The following EPHA3 variants were observed in gnomAD, a reference collection of about 807,000 sequenced individuals.
The protein encoded by EPHA3 is ephrin type-A receptor 3.
A neutral mutation model predicts 107.1 loss-of-function variants in EPHA3; 42 were observed. The observed-to-expected ratio is 0.39, with a 90% CI of 0.31 to 0.51. The LOEUF (loss-of-function observed/expected upper bound fraction) is 0.51, where lower values mean the gene tolerates loss of function less well. EPHA3 is among the 20% of genes least tolerant of loss of function. The pLI is 0.78. For synonymous variants in EPHA3, 461 were observed against 424.8 expected (o/e 1.09, Z -1.05); for missense variants, 1,183 against 1,211.2 (o/e 0.98, Z 0.35).
At chr3:89,159,971 ATTT>A (rs932371408) in intron 2 of EPHA3, among the ~76,000 whole-genome samples, 1 of 149,392 alleles carries the variant, frequency 6.7e-6, no homozygotes, top group African/African-American at 2.5e-5. Flanking sequence ...CTATTTTTGT[ATTT>A]TTTAACTTTT....
At chr3:89,230,194 A>C (rs1172436263) in intron 3 of EPHA3, among the ~76,000 whole-genome samples, 3 of 152,014 alleles carry the variant, frequency 2.0e-5, no homozygotes, top group African/African-American at 7.2e-5. Flanking sequence ...TCCCAACTAG[A>C]AGGAAGGGAC....
chr3:89,455,897 T>G (rs1454105296), intron 15 of EPHA3, among the ~76,000 whole-genome samples: 1 of 152,190 alleles, frequency 6.6e-6, no homozygotes, highest in Non-Finnish European at 1.5e-5. Flanking sequence ...TAATTCTGTT[T>G]TCTGTGATTG....
intron 2 of EPHA3, among the ~76,000 whole-genome samples, chr3:89,129,090 A>C (rs1704147866): frequency 6.6e-6 from 1 of 152,126 alleles, no homozygotes. Context: ...TGTGTATCTC[A>C]ATAGGTGACT....
chr3:89,332,196 A>C (rs2107399871), intron 3 of EPHA3, among the ~76,000 whole-genome samples: 1 of 152,322 alleles, frequency 6.6e-6, no homozygotes, highest in African/African-American at 2.4e-5. Flanking sequence ...TAGGACATAC[A>C]GTTCCTTGAA....
chr3:89,281,005 T>TTTTTTATG (rs1446458369), intron 3 of EPHA3, among the ~76,000 whole-genome samples: 1 of 37,250 alleles, frequency 2.7e-5, no homozygotes, highest in Non-Finnish European at 5.1e-5. Flanking sequence ...AAGATTTTTA[T>TTTTTTATG]TATTTATTTA....
chr3:89,418,941 A>T (rs187129114), intron 10 of EPHA3, among the ~76,000 whole-genome samples: 1 of 151,398 alleles, frequency 6.6e-6, no homozygotes, highest in Non-Finnish European at 1.5e-5. Flanking sequence ...CTCCTTTTAC[A>T]TTACATTATT....
At chr3:89,248,147 C>T (rs989339188) in intron 3 of EPHA3, among the ~76,000 whole-genome samples, 15 of 152,092 alleles carry the variant, frequency 9.9e-5, no homozygotes, top group African/African-American at 2.4e-4. Flanking sequence ...TCCTTAAATG[C>T]GCTGCAACAT....
At chr3:89,243,905 C>T (rs1279627626) in intron 3 of EPHA3, among the ~76,000 whole-genome samples, 1 of 152,126 alleles carries the variant, frequency 6.6e-6, no homozygotes, top group Admixed American at 6.5e-5. Context: ...TGTTCTTTTA[C>T]ACCATCCTAT....
intron 5 of EPHA3, among the ~76,000 whole-genome samples, chr3:89,366,357 CAT>C (rs1708184143): frequency 6.6e-6 from 1 of 150,472 alleles, no homozygotes; most frequent in Middle Eastern, 3.2e-3. Context: ...AATTTAAACA[CAT>C]GTGGAAGAAA....
chr3:89,189,696 A>T (rs1705656993), intron 2 of EPHA3, among the ~76,000 whole-genome samples: 1 of 152,146 alleles, frequency 6.6e-6, no homozygotes, highest in Non-Finnish European at 1.5e-5. Flanking sequence ...TGAGTTCTGT[A>T]TTGCTCCCCT....
At chr3:89,125,189 A>C (rs985198115) in intron 1 of EPHA3, among the ~76,000 whole-genome samples, 1 of 151,860 alleles carries the variant, frequency 6.6e-6, no homozygotes, top group African/African-American at 2.4e-5. Flanking sequence ...TTACTACCTG[A>C]ACACAATGAT....
intron 3 of EPHA3, among the ~76,000 whole-genome samples, chr3:89,330,392 A>G (rs535246315): frequency 6.6e-6 from 1 of 152,118 alleles, no homozygotes; most frequent in African/African-American, 2.4e-5. Context: ...TAAAAATCCA[A>G]TGTATAAATT....
intron 13 of EPHA3, 77 bp from the exon 14 acceptor site, chr3:89,449,148 C>G (rs2107552963): frequency 1.5e-6 from 2 of 1,303,630 alleles, no homozygotes; most frequent in Non-Finnish European, 2.0e-6. Context: ...GAAATTCTGT[C>G]CGGTTTCAGA....
At position 89,356,946 on chromosome 3, in the gene EPHA3, T is replaced by C. The variant is rs1254732642; in HGVS notation, c.1306+14856T>C. Among the ~76,000 whole-genome samples the C allele has an allele frequency of 2.0e-5, 3 of 147,150 alleles. No homozygotes were observed. In the Admixed American group the frequency reaches 2.1e-4, roughly 10 times the overall value. ...GGTGAAACCCTGTCTCTACTGAAAA[T>C]ACAAAAATTAGCTGGGTGTGGTCGT... On this transcript the variant is annotated intron_variant, in intron 5 of 16. Transcript: ENST00000336596.
intron 2 of EPHA3, among the ~76,000 whole-genome samples, chr3:89,156,764 TA>T (rs936686418): frequency 6.6e-6 from 1 of 151,982 alleles, no homozygotes. Context: ...ACATTTTATT[TA>T]AAAAAACGAG....
At chr3:89,147,998 G>C (rs979384417) in intron 2 of EPHA3, among the ~76,000 whole-genome samples, 1 of 151,810 alleles carries the variant, frequency 6.6e-6, no homozygotes, top group African/African-American at 2.4e-5. Context: ...AAAACACCAT[G>C]AGAAAGAAAA....
intron 11 of EPHA3, among the ~76,000 whole-genome samples, chr3:89,422,443 T>C (rs1409556360): frequency 6.6e-6 from 1 of 151,402 alleles, no homozygotes; most frequent in Non-Finnish European, 1.5e-5. Flanking sequence ...AGTATCTAGA[T>C]TAATAATCAA....
rs1171325456 is a variant in EPHA3 at position 89,209,989 on chromosome 3, A to G, written c.283A>G (p.Ile95Val). 2 of 1,613,922 alleles carry G rather than the reference A, an allele frequency of 1.2e-6. No homozygotes were observed. Among genetic ancestry groups the G allele is most frequent in the Admixed American group, 1.7e-5 (1 of 59,948 alleles). Reference protein sequence around the residue: ...NWVPRNSAQKIYVELKFTLRD... With the variant: ...NWVPRNSAQKVYVELKFTLRD... ...GGTCCCCAGGAACTCAGCTCAGAAG[A>G]TTTATGTGGAGCTCAAGTTCACTCT... Residue 95 changes from isoleucine to valine, a missense_variant, in exon 3 of 17, where the codon ATT becomes GTT. Transcript: ENST00000336596.
rs185635585 is a variant in EPHA3 at position 89,377,169 on chromosome 3, A to C, written c.1307-18668A>C. Among the ~76,000 whole-genome samples the C allele has an allele frequency of 1.2e-4, 18 of 152,156 alleles. No homozygotes were observed. The East Asian group carries it at 3.5e-3, about 29-fold the overall frequency. On this transcript the variant is annotated intron_variant, in intron 5 of 16. Coordinates refer to ENST00000336596, the MANE Select transcript of EPHA3 (RefSeq NM_005233.6). ...TTTCATGTCCCATTGTGTTACTAAA[A>C]TCTAGTGGTGAATTACCTAAAGCAC...
Sources: gnomAD v4.1 joint callset for allele counts (sites outside exome capture counted in the v4.1 genomes callset) on GRCh38, gnomAD v4.1.1 for gene constraint, MANE v1.5 for transcripts, NCBI Gene and HGNC (gene_info 2026-07-23, HGNC 2026-07-21) for gene names.